RPS29: variants seen among roughly 807,000 people sequenced by gnomAD.
RPS29 encodes the protein ribosomal protein S29, also known as small ribosomal subunit protein uS14.
For missense variants in RPS29, 60 were observed against 75.7 expected, an observed-to-expected ratio of 0.79 and a Z score of 0.77; for synonymous variants, 37 against 26.9, an observed-to-expected ratio of 1.37 and a Z score of -1.16.
intron 2 of RPS29, among the ~76,000 whole-genome samples, chr14:49,584,357 G>A (rs912765388): frequency 3.3e-5 from 5 of 152,206 alleles, no homozygotes; most frequent in African/African-American, 7.2e-5. Flanking sequence ...CAAATTAGGC[G>A]AACCTCCTCA....
chr14:49,582,012 C>CCAAAAAAAAAAAAAAAAAAAAAA (rs71115379), downstream of RPS29, among the ~76,000 whole-genome samples: 1 of 106,530 alleles, frequency 9.4e-6, no homozygotes, highest in African/African-American at 4.5e-5. Context: ...CCCTGCCCCC[C>CCAAAAAAAAAAAAAAAAAAAAAA]AAAAAAAAAA....
chr14:49,573,466 C>CAAAAA (rs538991068), exon 3 of RPS29: 8 of 47,752 alleles, frequency 1.7e-4, no homozygotes, highest in Admixed American at 9.0e-4. Flanking sequence ...GAGTTAGAAT[C>CAAAAA]AAAAAAAAAA....
rs60323459 is a variant in RPS29, at chr14:49,585,363, C to CA, written c.162+586dup. 722 of 100,036 alleles carry CA rather than the reference C, an allele frequency of 7.2e-3. 7 individuals are homozygous for CA. Among genetic ancestry groups the CA allele is most frequent in the East Asian group, 0.019 (36 of 1,890 alleles). 6.2% of individuals were successfully genotyped at this position (100,036 alleles called of 1,614,324 possible). ...AGGTTGGGTGAGTGCGACTCCGACT[C>CA]AAAAAAAAAAAAAAAAAAACTTGGG... On this transcript the variant is annotated intron_variant, in intron 2 of 2. Coordinates refer to ENST00000245458, the MANE Select transcript of RPS29 (RefSeq NM_001032.5).
chr14:49,588,537 T>C (rs2139517332), upstream of RPS29, among the ~76,000 whole-genome samples: 1 of 103,796 alleles, frequency 9.6e-6, no homozygotes, highest in South Asian at 2.3e-4. Flanking sequence ...TTTTTTTTCC[T>C]TTTTTTTTGA....
upstream of RPS29, chr14:49,586,650 C>G (rs941867775): frequency 2.4e-6 from 1 of 419,218 alleles, no homozygotes; most frequent in Non-Finnish European, 4.5e-6. Context: ...CGCTTGAGTC[C>G]AGGAGTTCTG....
chr14:49,580,809 C>A (rs753265446), downstream of RPS29, among the ~76,000 whole-genome samples: 1 of 151,190 alleles, frequency 6.6e-6, no homozygotes, highest in East Asian at 1.9e-4. Flanking sequence ...CGCCTGAACC[C>A]GGGAGGCAGA....
Position 49,586,277 on chromosome 14 carries a change from T to C in RPS29, c.62+8A>G, listed in dbSNP as rs745538444. 1.6e-5 allele frequency: 26 copies of C among 1,613,162 alleles called. No homozygotes were observed. The highest frequency in any genetic ancestry group is 2.1e-5 in the Non-Finnish European group (25 of 1,179,246). On this transcript the variant is annotated splice_region_variant and intron_variant, in intron 1 of 2. Transcript: ENST00000245458. Reference sequence around the variant, plus strand: ...AACGCTTCCCCAAAATCACAAACTATTTCTCACCAAGAGCGAGAACCCTGG... The same window carrying C: ...AACGCTTCCCCAAAATCACAAACTACTTCTCACCAAGAGCGAGAACCCTGG...
chr14:49,592,553 G>T (rs1881737595), intron 1 of RPS29, among the ~76,000 whole-genome samples: 1 of 151,272 alleles, frequency 6.6e-6, no homozygotes, highest in Non-Finnish European at 1.5e-5. Flanking sequence ...TTTTAGTAGA[G>T]ACGGGGTTTC....
At chr14:49,595,998 G>A (rs1362527145) in intron 1 of RPS29, among the ~76,000 whole-genome samples, 1 of 146,008 alleles carries the variant, frequency 6.8e-6, no homozygotes, top group Non-Finnish European at 1.5e-5. Flanking sequence ...GGGCAACAGA[G>A]CGGAAGGAAG....
intron 1 of RPS29, among the ~76,000 whole-genome samples, chr14:49,596,436 T>C (rs1881823441): frequency 6.6e-6 from 1 of 152,136 alleles, no homozygotes; most frequent in South Asian, 2.1e-4. Flanking sequence ...TTCAAAGGGC[T>C]CTTTGCTCCA....
chr14:49,586,988 A>T (rs1285766116), upstream of RPS29: 1 of 152,630 alleles, frequency 6.6e-6, no homozygotes, highest in South Asian at 2.0e-4. Flanking sequence ...TACACTTGGG[A>T]AAGGAGTTTT....
chr14:49,583,811 C>A, intron 2 of RPS29, 136 bp from the exon 3 acceptor site: 1 of 564,636 alleles, frequency 1.8e-6, no homozygotes, highest in Non-Finnish European at 3.2e-6. Flanking sequence ...ACACCAGATT[C>A]TATGTAGTTT....
exon 3 of RPS29, chr14:49,577,728 G>T: frequency 1.9e-6 from 2 of 1,043,598 alleles, no homozygotes; most frequent in South Asian, 1.3e-5. Context: ...CAGTCTGACT[G>T]GTTCCCAGTG....
At chr14:49,577,928 C>T (rs1386994399) in intron 2 of RPS29, 4 of 1,017,894 alleles carry the variant, frequency 3.9e-6, no homozygotes, top group African/African-American at 3.2e-5. Context: ...ATTTGTACTG[C>T]ATGCCTGCCC....
chr14:49,580,476 G>A (rs371927719), downstream of RPS29, among the ~76,000 whole-genome samples: 6 of 152,252 alleles, frequency 3.9e-5, no homozygotes, highest in African/African-American at 1.4e-4. Context: ...GAGCACAGGT[G>A]GATTTACTAT....
downstream of RPS29, among the ~76,000 whole-genome samples, chr14:49,582,030 AAAAAC>A (rs1881354270): frequency 6.6e-6 from 1 of 151,234 alleles, no homozygotes; most frequent in South Asian, 2.1e-4. Flanking sequence ...AAAAAAAAAA[AAAAAC>A]TTAGTGACTA....
chr14:49,596,313 A>T (rs934603330), intron 1 of RPS29, among the ~76,000 whole-genome samples: 4 of 152,202 alleles, frequency 2.6e-5, no homozygotes, highest in African/African-American at 9.7e-5. Context: ...TTGTAGTCCA[A>T]TTATTTTTAA....
chr14:49,584,279 G>C (rs975590748), intron 2 of RPS29, among the ~76,000 whole-genome samples: 1 of 152,238 alleles, frequency 6.6e-6, no homozygotes, highest in African/African-American at 2.4e-5. Flanking sequence ...GCCTGGCCCA[G>C]TTCATCTAGG....
chr14:49,577,300 T>C (rs1411916392), exon 3 of RPS29: 1 of 159,444 alleles, frequency 6.3e-6, no homozygotes, highest in Admixed American at 6.4e-5. Context: ...CGAACAACTG[T>C]CCAAAAGCCA....
Sources: gnomAD v4.1 joint callset for allele counts (sites outside exome capture counted in the v4.1 genomes callset) on GRCh38, gnomAD v4.1.1 for gene constraint, MANE v1.5 for transcripts, NCBI Gene and HGNC (gene_info 2026-07-23, HGNC 2026-07-21) for gene names.